Variants in USO1 observed in about 807,000 individuals in gnomAD.
The protein encoded by USO1 is USO1 vesicle transport factor.
In USO1, 57 loss-of-function variants were observed where a neutral mutation model predicts 124.5. The observed-to-expected ratio is 0.46, with a 90% CI of 0.37 to 0.57. The LOEUF is 0.57. Among genes scored for constraint, USO1 ranks in the 20% least tolerant of loss-of-function variants. The pLI is 0.00. For synonymous variants in USO1, 369 were observed against 362.8 expected (o/e 1.02, Z -0.19); for missense variants, 900 against 1,040.6 (o/e 0.86, Z 1.86).
rs1240095229 is a variant in USO1, at chr4:75,812,282, T to TAAA, written c.2710_2712dup (p.Lys904dup). 1 of 1,607,818 alleles carries TAAA rather than the reference T, an allele frequency of 6.2e-7. No homozygotes were observed. Among genetic ancestry groups the TAAA allele is most frequent in the South Asian group, 1.1e-5 (1 of 89,476 alleles). On this transcript the variant is annotated inframe_insertion, in exon 23 of 24. Coordinates refer to ENST00000514213, the MANE Select transcript of USO1 (RefSeq NM_003715.4). ...AACTAGAGTTGGAAATTACAGATTC[T>TAAA]AAAAAAGAACAAGATGATCTCTTGG...
intron 4 of USO1, among the ~76,000 whole-genome samples, chr4:75,765,178 T>C (rs1002737063): frequency 6.6e-6 from 1 of 152,206 alleles, no homozygotes; most frequent in African/African-American, 2.4e-5. Flanking sequence ...ATTGCTGTGA[T>C]TTTAATTTCT....
intron 1 of USO1, among the ~76,000 whole-genome samples, chr4:75,740,162 C>T (rs957448088): frequency 6.6e-6 from 1 of 152,108 alleles, no homozygotes; most frequent in African/African-American, 2.4e-5. Context: ...AGTGACACCT[C>T]ATCTCTAAAA....
intron 8 of USO1, among the ~76,000 whole-genome samples, chr4:75,776,648 T>C (rs191018286): frequency 3.6e-4 from 55 of 152,296 alleles, no homozygotes; most frequent in African/African-American, 1.3e-3. Context: ...GGCCTGCCAG[T>C]TGTAGTGAGG....
intron 1 of USO1, among the ~76,000 whole-genome samples, chr4:75,726,445 T>C (rs1720463646): frequency 6.6e-6 from 1 of 152,104 alleles, no homozygotes; most frequent in Non-Finnish European, 1.5e-5. Context: ...ATTACTAAAA[T>C]TAACTGCAGC....
intron 4 of USO1, among the ~76,000 whole-genome samples, chr4:75,759,985 G>T (rs1721558237): frequency 6.6e-6 from 1 of 151,836 alleles, no homozygotes; most frequent in African/African-American, 2.4e-5. Flanking sequence ...GCCAAGGTGG[G>T]TGGATCACCT....
chr4:75,775,739 G>C (rs994171232), intron 8 of USO1, among the ~76,000 whole-genome samples: 2 of 152,092 alleles, frequency 1.3e-5, no homozygotes, highest in African/African-American at 4.8e-5. Flanking sequence ...TAAGACAAGA[G>C]AACATAGTAT....
chr4:75,745,313 CT>C (rs764581153), intron 1 of USO1: 8 of 519,272 alleles, frequency 1.5e-5, no homozygotes, highest in South Asian at 1.1e-4. Flanking sequence ...ACTGCCCTGG[CT>C]GGGCAGTTTA....
intron 10 of USO1, among the ~76,000 whole-genome samples, chr4:75,789,849 G>T (rs1318193406): frequency 6.6e-6 from 1 of 151,712 alleles, no homozygotes; most frequent in African/African-American, 2.4e-5. Context: ...TGCCTGTCAA[G>T]TGTTATTTTA....
At chr4:75,759,458 G>C (rs1322249576) in intron 4 of USO1, among the ~76,000 whole-genome samples, 2 of 151,422 alleles carry the variant, frequency 1.3e-5, no homozygotes, top group Admixed American at 1.3e-4. Flanking sequence ...GCTGGGCGTG[G>C]TCGCACACAC....
At chr4:75,764,381 C>T (rs1216493864) in intron 4 of USO1, among the ~76,000 whole-genome samples, 2 of 152,146 alleles carry the variant, frequency 1.3e-5, no homozygotes, top group Non-Finnish European at 2.9e-5. Flanking sequence ...AAAATTTACA[C>T]TGGTGTAGTA....
chr4:75,744,808 A>G (rs1247037651), intron 1 of USO1: 1 of 342,802 alleles, frequency 2.9e-6, no homozygotes, highest in Non-Finnish European at 5.8e-6. Flanking sequence ...AATGAAAAGT[A>G]AAAGGCCCCC....
At chr4:75,750,953 G>A (rs1451543803) in intron 1 of USO1, among the ~76,000 whole-genome samples, 1 of 151,940 alleles carries the variant, frequency 6.6e-6, no homozygotes, top group African/African-American at 2.4e-5. Context: ...TGAATCCGTA[G>A]TTTAAATTTA....
intron 13 of USO1, among the ~76,000 whole-genome samples, chr4:75,796,522 G>A (rs1722686135): frequency 6.6e-6 from 1 of 151,644 alleles, no homozygotes; most frequent in African/African-American, 2.4e-5. Flanking sequence ...TTTTAGTAGA[G>A]ACAGGGTTTC....
At chr4:75,763,219 A>G (rs558857608) in intron 4 of USO1, among the ~76,000 whole-genome samples, 1 of 152,344 alleles carries the variant, frequency 6.6e-6, no homozygotes, top group South Asian at 2.1e-4. Context: ...TGCCAGCCAT[A>G]TAAACAGGCC....
At position 75,812,701 on chromosome 4, in the gene USO1, G is replaced by T. The variant is rs112836292; in HGVS notation, c.2799+326G>T. Among the ~76,000 whole-genome samples the T allele has an allele frequency of 7.9e-3, 1,198 of 152,282 alleles. 17 individuals are homozygous for T. Among genetic ancestry groups the T allele is most frequent in the African/African-American group, 0.027 (1,126 of 41,570 alleles). On this transcript the variant is annotated intron_variant, in intron 23 of 23. Coordinates refer to ENST00000514213, the MANE Select transcript of USO1 (RefSeq NM_003715.4). Reference sequence around the variant, plus strand: ...TTTGTTTCAGATTTGTGTGTAAAGAGGTGTAGCCATTTATCAGCAAAGTTA... The same window carrying T: ...TTTGTTTCAGATTTGTGTGTAAAGATGTGTAGCCATTTATCAGCAAAGTTA...
chr4:75,813,479 A>G lies in USO1; in HGVS notation c.*184A>G, dbSNP rs958550448. ...GAAAACCTTAAAACTGAATTTATGT[A>G]GAACACACATCTTTTATTTAAATCC... On this transcript the variant is annotated 3_prime_UTR_variant, in exon 24 of 24. Transcript: ENST00000514213. 2.4e-5 allele frequency: 12 copies of G among 505,006 alleles called. No homozygotes were observed. The African/African-American group carries it at 2.4e-4, about 10-fold the overall frequency. 31.3% of individuals were successfully genotyped at this position (505,006 alleles called of 1,614,324 possible).
At chr4:75,754,086 C>CTT (rs34901759) in intron 3 of USO1, among the ~76,000 whole-genome samples, 24 of 134,138 alleles carry the variant, frequency 1.8e-4, no homozygotes, top group South Asian at 7.2e-4. Flanking sequence ...CGCGCCCAGC[C>CTT]TTTTTTTTTT....
Position 75,743,269 on chromosome 4 carries a change from G to A in USO1, c.67-9104G>A, listed in dbSNP as rs1475566315. ...CAAAGTGCTGGGATTACAAGCGTGA[G>A]CCACCATGCCTGGCCGAATAAGTGT... On this transcript the variant is annotated intron_variant, in intron 1 of 23. Coordinates refer to ENST00000514213, the MANE Select transcript of USO1 (RefSeq NM_003715.4). Among the ~76,000 whole-genome samples, 3 of 152,094 alleles carry A rather than the reference G, an allele frequency of 2.0e-5. No homozygotes were observed. In the East Asian group the frequency reaches 5.8e-4, roughly 29 times the overall value.
chr4:75,747,817 G>C (rs2149150090), intron 1 of USO1, among the ~76,000 whole-genome samples: 1 of 148,046 alleles, frequency 6.8e-6, no homozygotes, highest in South Asian at 2.1e-4. Context: ...GGGTTTCACT[G>C]TGTTAACCAA....
Sources: gnomAD v4.1 joint callset for allele counts (sites outside exome capture counted in the v4.1 genomes callset) on GRCh38, gnomAD v4.1.1 for gene constraint, MANE v1.5 for transcripts, NCBI Gene and HGNC (gene_info 2026-07-23, HGNC 2026-07-21) for gene names.